Variants in FAM53B observed in about 807,000 individuals in gnomAD.
FAM53B encodes the protein protein FAM53B.
A neutral mutation model predicts 32.7 loss-of-function variants in FAM53B; 12 were observed. The observed-to-expected ratio is 0.37, with a 90% CI of 0.24 to 0.59. FAM53B has a LOEUF of 0.59. Among genes scored for constraint, FAM53B ranks in the 20% least tolerant of loss-of-function variants. The pLI, the probability that FAM53B is intolerant of heterozygous loss-of-function variation, is 0.72. For synonymous variants in FAM53B, 234 were observed against 228.7 expected (o/e 1.02, Z -0.21); for missense variants, 477 against 577.7 (o/e 0.83, Z 1.79).
At chr10:124,667,522 T>C in intron 4 of FAM53B, 2 of 709,608 alleles carry the variant, frequency 2.8e-6, no homozygotes, top group Admixed American at 2.0e-5. Context: ...ACTCCACCTG[T>C]GTGGTCAGAG....
Position 124,619,387 on chromosome 10 carries a change from CGGG to C in FAM53B, c.*3852_*3854del, listed in dbSNP as rs1949288328. 6.6e-6 allele frequency: 1 copy of C among 152,486 alleles called. No individual in the cohort carries two copies. Among genetic ancestry groups the C allele is most frequent in the Non-Finnish European group, 1.5e-5 (1 of 68,010 alleles). 9.4% of individuals were successfully genotyped at this position (152,486 alleles called of 1,614,324 possible). ...GCTGGAGTGCAAGCCACAGCCTGTGCGGGGAGGCCAGGCTGCAGGGGCGGGCAG... is the reference window on the plus strand; with the variant it reads ...GCTGGAGTGCAAGCCACAGCCTGTGCGAGGCCAGGCTGCAGGGGCGGGCAG... On this transcript the variant is annotated 3_prime_UTR_variant, in exon 5 of 5. Coordinates refer to ENST00000337318, the MANE Select transcript of FAM53B (RefSeq NM_014661.4).
intron 4 of FAM53B, among the ~76,000 whole-genome samples, chr10:124,658,550 G>A (rs1949610219): frequency 6.6e-6 from 1 of 152,226 alleles, no homozygotes; most frequent in Admixed American, 6.5e-5. Flanking sequence ...TGTCACCTTA[G>A]TGAGATCTAT....
chr10:124,666,548 A>G (rs1027340240), intron 4 of FAM53B, among the ~76,000 whole-genome samples: 3 of 152,232 alleles, frequency 2.0e-5, no homozygotes. Flanking sequence ...CCGTGGAAAA[A>G]TGGCCCAGGG....
At chr10:124,669,206 G>T (rs946848541) in intron 4 of FAM53B, among the ~76,000 whole-genome samples, 1 of 152,244 alleles carries the variant, frequency 6.6e-6, no homozygotes, top group African/African-American at 2.4e-5. Flanking sequence ...TCACATTCTG[G>T]ATGTGTCCAC....
Position 124,621,558 on chromosome 10 carries a change from G to T in FAM53B, c.*1684C>A, listed in dbSNP as rs1725551382. On this transcript the variant is annotated 3_prime_UTR_variant, in exon 5 of 5. Transcript: ENST00000337318. Reference sequence around the variant, plus strand: ...ACCATCTCTCAGGGCTGTGGGGCTGGGGGCTTTCTGCCAGCTCCTTAAAGC... The same window carrying T: ...ACCATCTCTCAGGGCTGTGGGGCTGTGGGCTTTCTGCCAGCTCCTTAAAGC... 1 of 152,232 alleles carries T rather than the reference G, an allele frequency of 6.6e-6. No homozygotes were observed. Among genetic ancestry groups the T allele is most frequent in the African/African-American group, 2.4e-5 (1 of 41,460 alleles). The allele number at this position is 152,232 out of a possible 1,614,324, so 9.4% of individuals were successfully genotyped here. A position where few individuals can be genotyped will look rare whatever the true frequency, so the allele number is the denominator to read the frequency against.
At chr10:124,679,604 G>A (rs544512654) in intron 4 of FAM53B, among the ~76,000 whole-genome samples, 2 of 152,366 alleles carry the variant, frequency 1.3e-5, no homozygotes, top group African/African-American at 2.4e-5. Context: ...CCCAGCCTCA[G>A]GGCTCTGGCC....
At chr10:124,647,107 G>C (rs1190095262) in intron 4 of FAM53B, among the ~76,000 whole-genome samples, 1 of 152,224 alleles carries the variant, frequency 6.6e-6, no homozygotes. Flanking sequence ...GGGAAGGGAT[G>C]CACAGCGAGG....
At chr10:124,728,771 C>T (rs1950123386) in intron 1 of FAM53B, among the ~76,000 whole-genome samples, 1 of 152,242 alleles carries the variant, frequency 6.6e-6, no homozygotes, top group Non-Finnish European at 1.5e-5. Context: ...TTAAATGTCA[C>T]CCCACAGTGA....
chr10:124,714,416 CAACT>C (rs1176540394), intron 1 of FAM53B, among the ~76,000 whole-genome samples: 1 of 152,046 alleles, frequency 6.6e-6, no homozygotes, highest in Non-Finnish European at 1.5e-5. Context: ...TGCTGAGAAA[CAACT>C]AACAATCCTG....
chr10:124,693,196 G>C (rs1949846741), intron 3 of FAM53B, among the ~76,000 whole-genome samples: 1 of 151,854 alleles, frequency 6.6e-6, no homozygotes, highest in African/African-American at 2.4e-5. Context: ...GGCACGCCGG[G>C]CGCGGTGGCT....
intron 2 of FAM53B, among the ~76,000 whole-genome samples, chr10:124,705,313 G>GAAGGCA (rs1949946746): frequency 6.6e-6 from 1 of 152,330 alleles, no homozygotes; most frequent in East Asian, 1.9e-4. Context: ...GAGGGAAGGC[G>GAAGGCA]GAGGCGGAGC....
chr10:124,638,884 T>G lies in FAM53B; in HGVS notation c.907-15280A>C, dbSNP rs535063637. 8.5e-5 allele frequency among the ~76,000 whole-genome samples: 13 copies of G among 152,328 alleles called. No homozygotes were observed. The South Asian group carries it at 2.7e-3, about 32-fold the overall frequency. On this transcript the variant is annotated intron_variant, in intron 4 of 4. Coordinates refer to ENST00000337318, the MANE Select transcript of FAM53B (RefSeq NM_014661.4). ...CACATTCTGCTCCTCTGGGCTCAGC[T>G]GGCCCCACCTGCAGCGCCAGAAGTG...
intron 4 of FAM53B, among the ~76,000 whole-genome samples, chr10:124,626,428 G>C (rs938355208): frequency 2.0e-5 from 3 of 150,622 alleles, no homozygotes; most frequent in African/African-American, 7.3e-5. Flanking sequence ...AAAAGGTGGG[G>C]CCTCTGGGAG....
At chr10:124,696,593 TC>T in intron 2 of FAM53B, among the ~76,000 whole-genome samples, 1 of 152,176 alleles carries the variant, frequency 6.6e-6, no homozygotes, top group South Asian at 2.1e-4. Flanking sequence ...GGAGGGGACC[TC>T]CCTGGGGACA....
intron 2 of FAM53B, among the ~76,000 whole-genome samples, chr10:124,701,617 G>A (rs1408146951): frequency 1.3e-5 from 2 of 152,210 alleles, no homozygotes; most frequent in Middle Eastern, 3.2e-3. Context: ...AAGGTCAAAC[G>A]TCTGGGCTGC....
chr10:124,624,913 A>C (rs1190878653), intron 4 of FAM53B, among the ~76,000 whole-genome samples: 6 of 152,226 alleles, frequency 3.9e-5, no homozygotes, highest in African/African-American at 1.4e-4. Context: ...CGAATAGCAG[A>C]GGGGAGCGAG....
At chr10:124,738,921 G>A (rs1002199084) in intron 1 of FAM53B, among the ~76,000 whole-genome samples, 1 of 152,102 alleles carries the variant, frequency 6.6e-6, no homozygotes, top group Non-Finnish European at 1.5e-5. Context: ...GAAGGTCACT[G>A]GAAATGTTTT....
intron 1 of FAM53B, among the ~76,000 whole-genome samples, chr10:124,738,588 A>C (rs879817196): frequency 8.6e-5 from 13 of 151,910 alleles, no homozygotes; most frequent in Non-Finnish European, 1.6e-4. Context: ...CCCGAGAAGC[A>C]ACCTGCAAAG....
At chr10:124,706,008 G>T (rs1193941469) in intron 2 of FAM53B, among the ~76,000 whole-genome samples, 1 of 152,240 alleles carries the variant, frequency 6.6e-6, no homozygotes, top group African/African-American at 2.4e-5. Context: ...GGAGCAGCCT[G>T]CACTCACATC....
Sources: gnomAD v4.1 joint callset for allele counts (sites outside exome capture counted in the v4.1 genomes callset) on GRCh38, gnomAD v4.1.1 for gene constraint, MANE v1.5 for transcripts, NCBI Gene and HGNC (gene_info 2026-07-23, HGNC 2026-07-21) for gene names.